LRRTM4: variants seen among roughly 807,000 people sequenced by gnomAD.
The protein encoded by LRRTM4 is leucine-rich repeat transmembrane neuronal protein 4.
Under a neutral mutation model 47.6 loss-of-function variants are expected in LRRTM4, and 25 were observed. The observed-to-expected ratio is 0.53, with a 90% CI of 0.38 to 0.73. The LOEUF is 0.73. Ranked by LOEUF, LRRTM4 falls within the 30% of genes least tolerant of loss-of-function variation. The pLI is 0.00. For synonymous variants in LRRTM4, 311 were observed against 269.5 expected, an observed-to-expected ratio of 1.15 and a Z score of -1.51; for missense variants, 638 against 713.4, an observed-to-expected ratio of 0.89 and a Z score of 1.20.
intron 3 of LRRTM4, among the ~76,000 whole-genome samples, chr2:77,149,459 A>G (rs1454670731): frequency 6.6e-6 from 1 of 152,168 alleles, no homozygotes; most frequent in Non-Finnish European, 1.5e-5. Context: ...TTAAAGAAGA[A>G]GAAGCAAAGG....
At chr2:77,071,853 A>G (rs1358568358) in intron 3 of LRRTM4, among the ~76,000 whole-genome samples, 1 of 152,208 alleles carries the variant, frequency 6.6e-6, no homozygotes, top group East Asian at 1.9e-4. Context: ...GCATTTGTGA[A>G]GGAAAGTTGA....
chr2:76,803,009 CAG>C (rs1338062472), intron 3 of LRRTM4, among the ~76,000 whole-genome samples: 1 of 152,008 alleles, frequency 6.6e-6, no homozygotes, highest in Non-Finnish European at 1.5e-5. Flanking sequence ...TAGTAGAAAA[CAG>C]GGGATAAGCT....
intron 3 of LRRTM4, among the ~76,000 whole-genome samples, chr2:76,880,278 A>T (rs1325870448): frequency 6.6e-6 from 1 of 152,168 alleles, no homozygotes; most frequent in Non-Finnish European, 1.5e-5. Flanking sequence ...ATCTATTTTT[A>T]AAAATTGCCA....
intron 3 of LRRTM4, among the ~76,000 whole-genome samples, chr2:77,033,451 A>G (rs993008166): frequency 6.6e-6 from 1 of 151,944 alleles, no homozygotes; most frequent in African/African-American, 2.4e-5. Flanking sequence ...TAATATATTA[A>G]TATTGTATAT....
At chr2:77,173,615 T>A (rs1315998336) in intron 3 of LRRTM4, among the ~76,000 whole-genome samples, 1 of 152,174 alleles carries the variant, frequency 6.6e-6, no homozygotes, top group Non-Finnish European at 1.5e-5. Flanking sequence ...TAGTGACATA[T>A]TGCCACCTTC....
intron 3 of LRRTM4, among the ~76,000 whole-genome samples, chr2:77,052,855 A>T (rs1308544378): frequency 6.6e-6 from 1 of 152,118 alleles, no homozygotes; most frequent in Non-Finnish European, 1.5e-5. Flanking sequence ...TGTAAGACTC[A>T]GCCTAATTGA....
chr2:76,837,541 A>G (rs1671549904), intron 3 of LRRTM4, among the ~76,000 whole-genome samples: 1 of 152,068 alleles, frequency 6.6e-6, no homozygotes, highest in Non-Finnish European at 1.5e-5. Flanking sequence ...CCCTCTATAC[A>G]CTGCTTTGAA....
chr2:77,354,776 G>C (rs1671909939), intron 3 of LRRTM4, among the ~76,000 whole-genome samples: 1 of 152,124 alleles, frequency 6.6e-6, no homozygotes, highest in Non-Finnish European at 1.5e-5. Flanking sequence ...GCTAAGGGCA[G>C]GGCAGAATAT....
intron 3 of LRRTM4, among the ~76,000 whole-genome samples, chr2:77,360,497 G>GATACC (rs1258952871): frequency 4.1e-4 from 60 of 147,534 alleles, no homozygotes; most frequent in Non-Finnish European, 7.0e-4. Flanking sequence ...GATACGATAC[G>GATACC]ATACGATACG....
chr2:76,837,785 A>G (rs1671558320), intron 3 of LRRTM4, among the ~76,000 whole-genome samples: 1 of 152,170 alleles, frequency 6.6e-6, no homozygotes, highest in Admixed American at 6.5e-5. Flanking sequence ...TGTCCTTTGT[A>G]GGGACATGGA....
chr2:77,091,699 C>G lies in LRRTM4; in HGVS notation c.1552-342783G>C, dbSNP rs62172165. 7.6e-3 allele frequency among the ~76,000 whole-genome samples: 1,071 copies of G among 140,848 alleles called. 6 individuals are homozygous for G. The highest frequency in any genetic ancestry group is 0.039 in the Middle Eastern group (10 of 258). 92.4% of individuals were successfully genotyped at this position (140,848 alleles called of 152,430 possible). A position where few individuals can be genotyped will look rare whatever the true frequency, so the allele number is the denominator to read the frequency against. On this transcript the variant is annotated intron_variant, in intron 3 of 3. Transcript: ENST00000409884. ...TTTCACTTGGACTGACCCTGACACCCATCAAGCTCAGCAAATTACCTAGGC... is the reference window on the plus strand; with the variant it reads ...TTTCACTTGGACTGACCCTGACACCGATCAAGCTCAGCAAATTACCTAGGC...
At chr2:77,287,250 T>C (rs1676691044) in intron 3 of LRRTM4, among the ~76,000 whole-genome samples, 1 of 152,052 alleles carries the variant, frequency 6.6e-6, no homozygotes, top group Admixed American at 6.6e-5. Context: ...GGCTTGTTCA[T>C]GTCACCTTGT....
intron 3 of LRRTM4, among the ~76,000 whole-genome samples, chr2:76,820,113 T>C (rs1320893600): frequency 1.3e-5 from 2 of 151,948 alleles, no homozygotes; most frequent in Admixed American, 1.3e-4. Context: ...CAACTCCCAT[T>C]CTGTTTAGTC....
At chr2:77,404,066 G>A (rs73942704) in intron 3 of LRRTM4, among the ~76,000 whole-genome samples, 4,901 of 151,824 alleles carry the variant, frequency 0.032, 269 homozygotes, top group African/African-American at 0.11. Flanking sequence ...CTACTTTCGA[G>A]TCATAACTTG....
intron 3 of LRRTM4, among the ~76,000 whole-genome samples, chr2:77,491,189 T>G (rs536600340): frequency 6.6e-6 from 1 of 152,022 alleles, no homozygotes; most frequent in Non-Finnish European, 1.5e-5. Flanking sequence ...AATAACCTGT[T>G]GAAAAGTAAA....
chr2:77,092,621 G>C (rs181594129), intron 3 of LRRTM4, among the ~76,000 whole-genome samples: 96 of 145,590 alleles, frequency 6.6e-4, no homozygotes, highest in African/African-American at 2.2e-3. Context: ...AACATGCCCC[G>C]AGTCAGAAAA....
At chr2:77,376,676 A>T (rs2439567) in intron 3 of LRRTM4, among the ~76,000 whole-genome samples, 2 of 151,524 alleles carry the variant, frequency 1.3e-5, no homozygotes, top group East Asian at 1.9e-4. Context: ...AGGAGGCTGC[A>T]GAGGTAAAGT....
chr2:76,990,370 A>G (rs369337317), intron 3 of LRRTM4, among the ~76,000 whole-genome samples: 26 of 151,882 alleles, frequency 1.7e-4, no homozygotes, highest in African/African-American at 6.0e-4. Flanking sequence ...TAAGTTGGAT[A>G]AAATAGCAAG....
At chr2:77,119,904 T>G (rs1411828204) in intron 3 of LRRTM4, among the ~76,000 whole-genome samples, 1 of 151,706 alleles carries the variant, frequency 6.6e-6, no homozygotes, top group Non-Finnish European at 1.5e-5. Flanking sequence ...ATCTGAAGAG[T>G]GTATATTAAT....
Sources: allele counts gnomAD v4.1 joint callset (sites outside exome capture counted in the v4.1 genomes callset), GRCh38; gene constraint gnomAD v4.1.1; transcripts MANE v1.5; gene names NCBI Gene and HGNC (gene_info 2026-07-23, HGNC 2026-07-21).